Variants in HDAC8 observed in about 807,000 individuals in gnomAD.
HDAC8 encodes the protein histone deacetylase-like 1.
HDAC8 carries 1 observed loss-of-function variant against 32.2 expected under a neutral mutation model. That is an observed-to-expected ratio of 0.03 (90% CI 0.01 to 0.15). The LOEUF (loss-of-function observed/expected upper bound fraction) is 0.15, where lower values mean the gene tolerates loss of function less well. HDAC8 is among the 10% of genes least tolerant of loss of function. HDAC8 has a pLI of 1.00. For missense variants in HDAC8, 117 were observed against 300.0 expected, an observed-to-expected ratio of 0.39 and a Z score of 4.51; for synonymous variants, 108 against 113.9, an observed-to-expected ratio of 0.95 and a Z score of 0.33.
intron 4 of HDAC8, among the ~76,000 whole-genome samples, chrX:72,564,098 T>C (rs1393900015): frequency 9.2e-6 from 1 of 109,174 alleles, no homozygotes; most frequent in African/African-American, 3.4e-5. Context: ...AGGCAGAGGA[T>C]GCAGTGAGCC....
chrX:72,466,602 A>G (rs1555994738), intron 7 of HDAC8: 1 of 112,182 alleles, frequency 8.9e-6, no homozygotes, highest in Non-Finnish European at 1.9e-5. Flanking sequence ...TCACAAACAT[A>G]TCTTGCTGGT....
chrX:72,497,430 A>G (rs1189419775), intron 4 of HDAC8, among the ~76,000 whole-genome samples: 2 of 112,050 alleles, frequency 1.8e-5, no homozygotes, highest in Non-Finnish European at 3.8e-5. Context: ...AAGTATTCCT[A>G]TAAAAACAAA....
At chrX:72,337,978 G>A (rs1555943235) in intron 10 of HDAC8, among the ~76,000 whole-genome samples, 1 of 111,445 alleles carries the variant, frequency 9.0e-6, no homozygotes, top group African/African-American at 3.3e-5. Flanking sequence ...CATAACCTTT[G>A]TCACCTTGAG....
intron 4 of HDAC8, among the ~76,000 whole-genome samples, chrX:72,531,590 C>A (rs1253525884): frequency 1.8e-5 from 2 of 111,715 alleles, no homozygotes; most frequent in East Asian, 5.6e-4. Context: ...CAAAAAGAAA[C>A]CCTGCATGCA....
chrX:72,556,763 A>C (rs1280554680), intron 4 of HDAC8, among the ~76,000 whole-genome samples: 1 of 111,899 alleles, frequency 8.9e-6, no homozygotes, highest in Non-Finnish European at 1.9e-5. Flanking sequence ...AACAATTACT[A>C]TTAGACCTAA....
chrX:72,437,005 A>C (rs782529445), intron 9 of HDAC8, among the ~76,000 whole-genome samples: 2 of 112,336 alleles, frequency 1.8e-5, no homozygotes, highest in Non-Finnish European at 3.8e-5. Flanking sequence ...CAAGTAACCC[A>C]CATGAAGGCA....
At chrX:72,502,463 G>A (rs1556016652) in intron 4 of HDAC8, among the ~76,000 whole-genome samples, 1 of 111,102 alleles carries the variant, frequency 9.0e-6, no homozygotes, top group African/African-American at 3.3e-5. Context: ...GATCTATTGA[G>A]GGTGGAGGGT....
intron 4 of HDAC8, among the ~76,000 whole-genome samples, chrX:72,565,418 T>C (rs2051742914): frequency 8.9e-6 from 1 of 112,129 alleles, no homozygotes; most frequent in Non-Finnish European, 1.9e-5. Flanking sequence ...CTCTAGAGAC[T>C]CTGTAATTTA....
At chrX:72,398,850 T>C (rs782630473) in intron 9 of HDAC8, among the ~76,000 whole-genome samples, 1 of 110,167 alleles carries the variant, frequency 9.1e-6, no homozygotes, top group South Asian at 3.9e-4. Flanking sequence ...TTTATGTTTT[T>C]TTTTTACAGA....
intron 4 of HDAC8, among the ~76,000 whole-genome samples, chrX:72,566,296 T>TAAAAAAC (rs1371497522): frequency 2.7e-5 from 3 of 111,137 alleles, no homozygotes; most frequent in Non-Finnish European, 5.7e-5. Flanking sequence ...TTGTCTTTAT[T>TAAAAAAC]AAAAAACAAA....
At chrX:72,468,058 G>A in intron 7 of HDAC8, 1 of 1,162,349 alleles carries the variant, frequency 8.6e-7, no homozygotes, top group Non-Finnish European at 1.1e-6. Context: ...AGAAAGGTAG[G>A]GCATCTTGTA....
intron 9 of HDAC8, among the ~76,000 whole-genome samples, chrX:72,454,050 T>C (rs782380656): frequency 1.3e-4 from 14 of 111,675 alleles, no homozygotes; most frequent in Non-Finnish European, 2.3e-4. Context: ...GAACTGAAGT[T>C]CCTAGGCAGA....
At position 72,462,207 on chromosome X, in the gene HDAC8, A is replaced by G. The variant is rs2047887061; in HGVS notation, c.911-109T>C. 10 of 586,388 alleles carry G rather than the reference A, an allele frequency of 1.7e-5. No individual in the cohort carries two copies. In the South Asian group the frequency reaches 2.9e-4, roughly 17 times the overall value. 48.3% of individuals were successfully genotyped at this position (586,388 alleles called of 1,213,427 possible). A position where few individuals can be genotyped will look rare whatever the true frequency, so the allele number is the denominator to read the frequency against. ...AATGTTTTAAGAAAAGACAACCTCA[A>G]ATTGCAGAATTTCCCCTAATCCCCC... On this transcript the variant is annotated intron_variant, in intron 8 of 10. Coordinates refer to ENST00000373573, the MANE Select transcript of HDAC8 (RefSeq NM_018486.3).
intron 9 of HDAC8, among the ~76,000 whole-genome samples, chrX:72,414,837 A>C: frequency 9.0e-6 from 1 of 111,409 alleles, no homozygotes; most frequent in East Asian, 2.8e-4. Flanking sequence ...ATTATGAAGC[A>C]GATTTCTCTA....
chrX:72,404,898 G>A (rs2045997490), intron 9 of HDAC8, among the ~76,000 whole-genome samples: 2 of 110,728 alleles, frequency 1.8e-5, no homozygotes, highest in Non-Finnish European at 3.8e-5. Flanking sequence ...TCTGCAGATT[G>A]TTGTTTTCAG....
intron 1 of HDAC8, 137 bp from the exon 2 acceptor site, chrX:72,572,246 G>T (rs1556161590): frequency 3.6e-6 from 2 of 555,572 alleles, no homozygotes; most frequent in African/African-American, 2.4e-5. Context: ...CTTCCCTTCT[G>T]TTAACAGTTA....
chrX:72,505,352 T>C lies in HDAC8; in HGVS notation c.438-10084A>G, dbSNP rs181971228. Among the ~76,000 whole-genome samples the C allele has an allele frequency of 1.4e-4, 16 of 111,578 alleles. No homozygotes were observed. In the East Asian group the frequency reaches 2.5e-3, roughly 18 times the overall value. On this transcript the variant is annotated intron_variant, in intron 4 of 10. Transcript: ENST00000373573. ...TTATCTTTAGTCAAAAGGAAGTGAC[T>C]ATAGAGAGAAATTTTGTGTTTCAGC...
intron 9 of HDAC8, among the ~76,000 whole-genome samples, chrX:72,441,000 C>T (rs1392196017): frequency 2.7e-5 from 3 of 113,058 alleles, no homozygotes; most frequent in Non-Finnish European, 5.6e-5. Context: ...CCGCCATTGC[C>T]CAGGCTTGCT....
chrX:72,341,143 T>A (rs782512731), intron 10 of HDAC8, among the ~76,000 whole-genome samples: 9 of 111,917 alleles, frequency 8.0e-5, no homozygotes, highest in Non-Finnish European at 1.5e-4. Context: ...ATTGCCATAG[T>A]GAACATGAGA....
Sources: gnomAD v4.1 joint callset for allele counts (sites outside exome capture counted in the v4.1 genomes callset) on GRCh38, gnomAD v4.1.1 for gene constraint, MANE v1.5 for transcripts, NCBI Gene and HGNC (gene_info 2026-07-23, HGNC 2026-07-21) for gene names.